CDH12: variants seen among roughly 807,000 people sequenced by gnomAD.
CDH12 encodes cadherin 12.
CDH12 carries 41 observed loss-of-function variants against 74.1 expected under a neutral mutation model. That is an observed-to-expected ratio of 0.55 (90% CI 0.43 to 0.72). CDH12 has a LOEUF of 0.72. CDH12 is among the 30% of genes least tolerant of loss of function. CDH12 has a pLI of 0.00. For synonymous variants in CDH12, 399 were observed against 355.0 expected, an observed-to-expected ratio of 1.12 and a Z score of -1.39; for missense variants, 945 against 977.2, an observed-to-expected ratio of 0.97 and a Z score of 0.44.
intron 1 of CDH12, among the ~76,000 whole-genome samples, chr5:22,703,396 T>C (rs893186645): frequency 9.2e-5 from 14 of 152,266 alleles, no homozygotes; most frequent in African/African-American, 3.1e-4. Flanking sequence ...TCCTACACCA[T>C]CTGTATGACA....
intron 3 of CDH12, among the ~76,000 whole-genome samples, chr5:22,280,203 TG>T (rs2150406133): frequency 6.6e-6 from 1 of 152,316 alleles, no homozygotes; most frequent in East Asian, 1.9e-4. Context: ...TCATATCCTT[TG>T]CCCACTTTTT....
At chr5:22,628,635 GT>G (rs1320724382) in intron 1 of CDH12, among the ~76,000 whole-genome samples, 8 of 152,020 alleles carry the variant, frequency 5.3e-5, no homozygotes, top group Admixed American at 3.9e-4. Flanking sequence ...AAACACCAGT[GT>G]CATAAAGTTA....
At chr5:22,722,955 C>T (rs531368731) in intron 1 of CDH12, among the ~76,000 whole-genome samples, 2 of 152,204 alleles carry the variant, frequency 1.3e-5, no homozygotes, top group Non-Finnish European at 2.9e-5. Context: ...AAAATATCAC[C>T]CTAAATGAAG....
intron 4 of CDH12, chr5:22,142,920 G>A (rs2150300063): frequency 4.2e-6 from 1 of 236,534 alleles, no homozygotes; most frequent in Non-Finnish European, 9.4e-6. Flanking sequence ...TTTTGATATG[G>A]ACCTGTTGGT....
At chr5:22,812,039 G>T (rs1317903503) in intron 1 of CDH12, among the ~76,000 whole-genome samples, 6 of 152,042 alleles carry the variant, frequency 3.9e-5, no homozygotes, top group Non-Finnish European at 8.8e-5. Flanking sequence ...GTTTTTATTG[G>T]GCTGGATTTT....
chr5:22,155,213 C>T (rs1266943147), intron 4 of CDH12, among the ~76,000 whole-genome samples: 1 of 152,048 alleles, frequency 6.6e-6, no homozygotes, highest in Non-Finnish European at 1.5e-5. Context: ...ATTTTAAGGT[C>T]AAGTGTGCTA....
intron 4 of CDH12, among the ~76,000 whole-genome samples, chr5:22,167,031 T>C (rs1036055230): frequency 2.9e-4 from 44 of 152,176 alleles, no homozygotes; most frequent in Non-Finnish European, 6.3e-4. Flanking sequence ...AAAATAAGTG[T>C]TTTCCAACTG....
chr5:22,034,670 G>GA (rs1202230211), intron 5 of CDH12, among the ~76,000 whole-genome samples: 1 of 152,132 alleles, frequency 6.6e-6, no homozygotes, highest in Non-Finnish European at 1.5e-5. Context: ...AAATCTTATA[G>GA]AAAATCAAAC....
intron 7 of CDH12, among the ~76,000 whole-genome samples, chr5:21,853,571 T>C (rs1346028316): frequency 6.6e-6 from 1 of 151,658 alleles, no homozygotes; most frequent in African/African-American, 2.4e-5. Context: ...CCTCAACTTT[T>C]GTTAAGAAAC....
intron 3 of CDH12, among the ~76,000 whole-genome samples, chr5:22,319,360 C>A (rs1018638374): frequency 1.3e-5 from 2 of 152,094 alleles, no homozygotes; most frequent in Non-Finnish European, 2.9e-5. Flanking sequence ...AATGACAGAA[C>A]TCAGCAAATA....
At chr5:22,395,777 A>G (rs1373989692) in intron 3 of CDH12, among the ~76,000 whole-genome samples, 2 of 152,104 alleles carry the variant, frequency 1.3e-5, no homozygotes, top group Admixed American at 6.6e-5. Context: ...AGCTGTATGA[A>G]GTATCCTGTT....
At chr5:22,365,953 A>G (rs1287933842) in intron 3 of CDH12, among the ~76,000 whole-genome samples, 1 of 152,030 alleles carries the variant, frequency 6.6e-6, no homozygotes, top group African/African-American at 2.4e-5. Context: ...CAGTCTATTT[A>G]TCTTTTTGTT....
At chr5:22,766,789 A>C (rs1291883069) in intron 1 of CDH12, among the ~76,000 whole-genome samples, 2 of 152,106 alleles carry the variant, frequency 1.3e-5, no homozygotes, top group African/African-American at 2.4e-5. Context: ...TTTACCTTGT[A>C]TTAGATATTA....
At chr5:22,264,597 A>T (rs951598377) in intron 3 of CDH12, among the ~76,000 whole-genome samples, 2 of 152,140 alleles carry the variant, frequency 1.3e-5, no homozygotes, top group Non-Finnish European at 2.9e-5. Flanking sequence ...TGTTGTGAGG[A>T]GATATGATTG....
intron 1 of CDH12, among the ~76,000 whole-genome samples, chr5:22,661,392 T>C (rs1479560625): frequency 1.3e-5 from 2 of 152,218 alleles, no homozygotes; most frequent in East Asian, 1.9e-4. Context: ...GGAATTATTC[T>C]ATTTAGCACT....
intron 1 of CDH12, among the ~76,000 whole-genome samples, chr5:22,740,117 G>A (rs1049570425): frequency 3.3e-5 from 5 of 151,884 alleles, no homozygotes; most frequent in Non-Finnish European, 5.9e-5. Context: ...TCAGTTTCTT[G>A]TAAGAGAAAA....
intron 3 of CDH12, among the ~76,000 whole-genome samples, chr5:22,364,656 GACTGC>G (rs1234275685): frequency 6.6e-6 from 1 of 152,202 alleles, no homozygotes; most frequent in Non-Finnish European, 1.5e-5. Flanking sequence ...CTACCTAGAA[GACTGC>G]TAGTCACTAC....
chr5:22,654,368 C>T (rs1378580792), intron 1 of CDH12, among the ~76,000 whole-genome samples: 1 of 151,944 alleles, frequency 6.6e-6, no homozygotes, highest in Non-Finnish European at 1.5e-5. Context: ...CAGCTCACTG[C>T]AACCTCTGAC....
At chr5:21,998,057 C>T (rs1254935701) in intron 5 of CDH12, among the ~76,000 whole-genome samples, 1 of 152,046 alleles carries the variant, frequency 6.6e-6, no homozygotes, top group East Asian at 1.9e-4. Flanking sequence ...AAGGCTACAA[C>T]ACGAGGCCAA....
Sources: allele counts gnomAD v4.1 joint callset (sites outside exome capture counted in the v4.1 genomes callset), GRCh38; gene constraint gnomAD v4.1.1; transcripts MANE v1.5; gene names NCBI Gene and HGNC (gene_info 2026-07-23, HGNC 2026-07-21).